BTF3L4: variants seen among roughly 807,000 people sequenced by gnomAD.
BTF3L4 encodes the protein transcription factor BTF3 homolog 4.
BTF3L4 carries 6 observed loss-of-function variants against 16.8 expected under a neutral mutation model. The observed-to-expected ratio is 0.36, with a 90% CI of 0.20 to 0.71. The LOEUF (loss-of-function observed/expected upper bound fraction) is 0.71, where lower values mean the gene tolerates loss of function less well. Among genes scored for constraint, BTF3L4 ranks in the 30% least tolerant of loss-of-function variants. The probability of loss-of-function intolerance (pLI) is 0.58; values close to 1 mark genes in which losing one functional copy is unlikely to be tolerated. For missense variants in BTF3L4, 92 were observed against 186.9 expected (o/e 0.49, Z 2.96); for synonymous variants, 39 against 59.8 (o/e 0.65, Z 1.60).
chr1:52,083,641 AATT>A, intron 4 of BTF3L4, 100 bp downstream of exon 4: 1 of 928,946 alleles, frequency 1.1e-6, no homozygotes, highest in Non-Finnish European at 1.7e-6. Context: ...GCCTGTATGT[AATT>A]ATTTTACTTT....
At chr1:52,069,515 A>AT (rs1289161366) in intron 3 of BTF3L4, among the ~76,000 whole-genome samples, 2 of 152,214 alleles carry the variant, frequency 1.3e-5, no homozygotes, top group African/African-American at 4.8e-5. Context: ...GAACACATTA[A>AT]TTAAAACTTT....
chr1:52,062,289 C>T (rs1045219886), intron 2 of BTF3L4, among the ~76,000 whole-genome samples: 2 of 150,536 alleles, frequency 1.3e-5, no homozygotes, highest in African/African-American at 4.9e-5. Flanking sequence ...GCAACCTCCA[C>T]CTCCTGGGTT....
In BTF3L4 at chr1:52,089,853, G is replaced by A. The variant is rs1354908465; in HGVS notation, c.*3095G>A. ...ACCTTAATTTGTTGTTAAGTAGCTA[G>A]TGCTTACAGGATTCCATTAAATTCA... On this transcript the variant is annotated 3_prime_UTR_variant, in exon 6 of 6. Transcript: ENST00000313334. 1 of 152,164 alleles carries A rather than the reference G, an allele frequency of 6.6e-6. No individual in the cohort carries two copies. Among genetic ancestry groups the A allele is most frequent in the African/African-American group, 2.4e-5 (1 of 41,432 alleles). The allele number at this position is 152,164 out of a possible 1,614,324, so 9.4% of individuals were successfully genotyped here.
chr1:52,069,741 G>C (rs185166176), intron 3 of BTF3L4, among the ~76,000 whole-genome samples: 166 of 152,298 alleles, frequency 1.1e-3, no homozygotes, highest in African/African-American at 3.8e-3. Flanking sequence ...GTGAGGAACA[G>C]GGAGAGCAGT....
At chr1:52,068,516 G>A (rs1245039461) in intron 3 of BTF3L4, among the ~76,000 whole-genome samples, 2 of 152,164 alleles carry the variant, frequency 1.3e-5, no homozygotes, top group Non-Finnish European at 2.9e-5. Context: ...TAGAGAGTTA[G>A]GTGCCTACCT....
chr1:52,057,482 A>G (rs1220463212), intron 1 of BTF3L4, among the ~76,000 whole-genome samples: 2 of 152,168 alleles, frequency 1.3e-5, no homozygotes, highest in African/African-American at 4.8e-5. Context: ...TTCCTAATCT[A>G]TTAAGATGGG....
rs372949869 is a variant in BTF3L4, at chr1:52,057,097, T to G, written c.-14+718T>G. On this transcript the variant is annotated intron_variant, in intron 1 of 5. Coordinates refer to ENST00000313334, the MANE Select transcript of BTF3L4 (RefSeq NM_152265.5). ...AAACAACCCTGTGAAGTACGTGGTG[T>G]TATACCTTTCCAAATGCAGGAGGAA... 9.2e-5 allele frequency among the ~76,000 whole-genome samples: 14 copies of G among 152,318 alleles called. No individual in the cohort carries two copies. The East Asian group carries it at 1.9e-3, about 21-fold the overall frequency.
At chr1:52,063,921 C>G (rs959454855) in intron 2 of BTF3L4, among the ~76,000 whole-genome samples, 4 of 152,186 alleles carry the variant, frequency 2.6e-5, no homozygotes, top group Non-Finnish European at 4.4e-5. Flanking sequence ...TCTTTATAAT[C>G]CATTTTCTAC....
At chr1:52,062,992 C>A (rs890496937) in intron 2 of BTF3L4, among the ~76,000 whole-genome samples, 5 of 152,206 alleles carry the variant, frequency 3.3e-5, no homozygotes, top group African/African-American at 1.2e-4. Flanking sequence ...GGCTGTGGAG[C>A]CCAAGCAGTA....
intron 3 of BTF3L4, among the ~76,000 whole-genome samples, chr1:52,080,345 A>T (rs184365997): frequency 1.6e-4 from 24 of 152,188 alleles, no homozygotes; most frequent in Admixed American, 1.2e-3. Context: ...CTTTAACATA[A>T]AGGATTTGAA....
chr1:52,061,487 CAA>C (rs1169709967), intron 2 of BTF3L4, among the ~76,000 whole-genome samples: 13 of 48,146 alleles, frequency 2.7e-4, no homozygotes, highest in Admixed American at 6.6e-4. Context: ...GACTCCGTCT[CAA>C]AAAAAAAAAA....
intron 3 of BTF3L4, among the ~76,000 whole-genome samples, chr1:52,080,046 A>G (rs529633726): frequency 6.6e-6 from 1 of 151,344 alleles, no homozygotes; most frequent in African/African-American, 2.4e-5. Flanking sequence ...TGATTTTTGT[A>G]TTTTTAGTAG....
At position 52,065,066 on chromosome 1, in the gene BTF3L4, G is replaced by A. The variant is rs368929474; in HGVS notation, c.168+128G>A. ...GTCACTCTGATGTCTTTGAAGGACT[G>A]TGGCACTTTGATTTTTGTATGAAAT... On this transcript the variant is annotated intron_variant, in intron 3 of 5. Transcript: ENST00000313334. 5.7e-5 allele frequency: 19 copies of A among 332,230 alleles called. No individual in the cohort carries two copies. The East Asian group carries it at 7.4e-4, about 13-fold the overall frequency. The allele number at this position is 332,230 out of a possible 1,614,324, so 20.6% of individuals were successfully genotyped here.
At position 52,059,944 on chromosome 1, in the gene BTF3L4, A is replaced by G. The variant is rs373896304; in HGVS notation, c.54+43A>G. Reference sequence around the variant, plus strand: ...AAAATTGATAGGAGAATGTATGATTACCAGATAGTGTTATTATTTCGGATT... The same window carrying G: ...AAAATTGATAGGAGAATGTATGATTGCCAGATAGTGTTATTATTTCGGATT... On this transcript the variant is annotated intron_variant, in intron 2 of 5. Coordinates refer to ENST00000313334, the MANE Select transcript of BTF3L4 (RefSeq NM_152265.5). 38 of 1,545,022 alleles carry G rather than the reference A, an allele frequency of 2.5e-5. No individual in the cohort carries two copies. In the African/African-American group the frequency reaches 5.0e-4, roughly 20 times the overall value.
chr1:52,074,971 G>T (rs1411058703), intron 3 of BTF3L4, among the ~76,000 whole-genome samples: 1 of 151,836 alleles, frequency 6.6e-6, no homozygotes, highest in Non-Finnish European at 1.5e-5. Context: ...TGCCCAGGCT[G>T]GTCTTGAACT....
At chr1:52,059,960 A>ACTG in intron 2 of BTF3L4, 59 bp downstream of exon 2, 1 of 1,484,320 alleles carries the variant, frequency 6.7e-7, no homozygotes, top group Non-Finnish European at 9.3e-7. Context: ...TAGTGTTATT[A>ACTG]TTTCGGATTT....
chr1:52,085,153 T>C (rs906552689), intron 4 of BTF3L4, among the ~76,000 whole-genome samples: 1 of 149,314 alleles, frequency 6.7e-6, no homozygotes, highest in East Asian at 2.0e-4. Context: ...CCAAGTTAGC[T>C]GGGATTACAG....
chr1:52,077,031 G>A (rs1686951721), intron 3 of BTF3L4, among the ~76,000 whole-genome samples: 1 of 152,096 alleles, frequency 6.6e-6, no homozygotes, highest in Non-Finnish European at 1.5e-5. Flanking sequence ...AGCCAGGCAT[G>A]GTGGCACATG....
intron 3 of BTF3L4, among the ~76,000 whole-genome samples, chr1:52,075,552 ATAAT>A (rs1686910287): frequency 1.4e-5 from 2 of 147,308 alleles, no homozygotes; most frequent in Non-Finnish European, 3.0e-5. Context: ...TATATATAAA[ATAAT>A]AAATAAAATA....
Sources: allele counts gnomAD v4.1 joint callset (sites outside exome capture counted in the v4.1 genomes callset), GRCh38; gene constraint gnomAD v4.1.1; transcripts MANE v1.5; gene names NCBI Gene and HGNC (gene_info 2026-07-23, HGNC 2026-07-21).